The following KAZN variants were observed in gnomAD, a reference collection of about 807,000 sequenced individuals.
KAZN encodes kazrin, periplakin interacting protein.
In KAZN, 40 loss-of-function variants were observed where a neutral mutation model predicts 87.4. The observed-to-expected ratio is 0.46, with a 90% CI of 0.36 to 0.60. The LOEUF (loss-of-function observed/expected upper bound fraction) is 0.60. Among genes scored for constraint, KAZN ranks in the 20% least tolerant of loss-of-function variants. The probability of loss-of-function intolerance (pLI) is 0.00; values close to 1 mark genes in which losing one functional copy is unlikely to be tolerated. For synonymous variants in KAZN, 466 were observed against 458.3 expected (o/e 1.02, Z -0.22); for missense variants, 898 against 1,073.9 (o/e 0.84, Z 2.29).
At chr1:14,012,858 G>A (rs921234365) in intron 1 of KAZN, among the ~76,000 whole-genome samples, 61 of 152,266 alleles carry the variant, frequency 4.0e-4, no homozygotes, top group African/African-American at 1.4e-3. Context: ...CATATTTACC[G>A]TATGCTCCTT....
chr1:14,101,083 G>C (rs1372468768), intron 1 of KAZN, among the ~76,000 whole-genome samples: 5 of 152,070 alleles, frequency 3.3e-5, no homozygotes, highest in African/African-American at 9.7e-5. Context: ...AAATTACCCG[G>C]TCTCGGGTAT....
chr1:13,953,825 C>A (rs1346981794), intron 1 of KAZN, among the ~76,000 whole-genome samples: 1 of 152,086 alleles, frequency 6.6e-6, no homozygotes, highest in Non-Finnish European at 1.5e-5. Flanking sequence ...CAGATTGGTA[C>A]CAATCATAAT....
intron 2 of KAZN, among the ~76,000 whole-genome samples, chr1:14,358,285 T>C (rs1370258388): frequency 6.6e-6 from 1 of 152,106 alleles, no homozygotes; most frequent in Non-Finnish European, 1.5e-5. Context: ...TCATTTCTTA[T>C]TGTGTCTATT....
intron 2 of KAZN, among the ~76,000 whole-genome samples, chr1:14,530,325 G>T (rs927999338): frequency 6.6e-6 from 1 of 152,186 alleles, no homozygotes; most frequent in Non-Finnish European, 1.5e-5. Context: ...TAACAGGGAG[G>T]GTGTAGGTTT....
rs924112189 is a variant in KAZN, at chr1:14,767,680, A to G, written c.226+168457A>G. 9.8e-5 allele frequency among the ~76,000 whole-genome samples: 15 copies of G among 152,316 alleles called. 1 individual carries two copies. The highest frequency in any genetic ancestry group is 3.6e-4 in the African/African-American group (15 of 41,576). ...ACCATAGGAAAGACCTCTATAGATG[A>G]ATCTGCTGTGGATGAGTGTCCTATC... On this transcript the variant is annotated intron_variant, in intron 1 of 14. Coordinates refer to ENST00000376030, the MANE Select transcript of KAZN (RefSeq NM_201628.3).
chr1:14,419,851 T>C (rs1248387462), intron 2 of KAZN, among the ~76,000 whole-genome samples: 1 of 152,066 alleles, frequency 6.6e-6, no homozygotes, highest in Admixed American at 6.5e-5. Context: ...CAGACACCTT[T>C]GCGGCGAGTA....
chr1:14,898,056 G>A (rs192408312), intron 1 of KAZN, among the ~76,000 whole-genome samples: 119 of 152,312 alleles, frequency 7.8e-4, no homozygotes, highest in African/African-American at 2.8e-3. Flanking sequence ...ATGGATATAA[G>A]CACCTAACAC....
chr1:14,800,404 A>C (rs998672370), intron 1 of KAZN, among the ~76,000 whole-genome samples: 1 of 152,216 alleles, frequency 6.6e-6, no homozygotes, highest in African/African-American at 2.4e-5. Flanking sequence ...TTAAGCCATA[A>C]GAGAATGAAG....
chr1:14,306,145 AT>A (rs370761136), intron 2 of KAZN, among the ~76,000 whole-genome samples: 29 of 152,142 alleles, frequency 1.9e-4, no homozygotes, highest in African/African-American at 6.8e-4. Flanking sequence ...GTGTTGTCGC[AT>A]TTTTTGGTGG....
chr1:14,561,381 C>T lies in KAZN; in HGVS notation c.250-37602C>T, dbSNP rs576384544. Among the ~76,000 whole-genome samples the T allele has an allele frequency of 1.7e-4, 26 of 152,244 alleles. 1 individual carries two copies. Among genetic ancestry groups the T allele is most frequent in the Admixed American group, 1.2e-3 (18 of 15,300 alleles). ...AGGCCTGGGAAGGACATGACAGACCCGAGACTGGCGAAAAGATAAAGAAAA... is the reference window on the plus strand; with the variant it reads ...AGGCCTGGGAAGGACATGACAGACCTGAGACTGGCGAAAAGATAAAGAAAA... On this transcript the variant is annotated intron_variant, in intron 2 of 16. Transcript: ENST00000636203.
At chr1:14,968,248 C>T (rs1048929105) in intron 2 of KAZN, among the ~76,000 whole-genome samples, 1 of 152,032 alleles carries the variant, frequency 6.6e-6, no homozygotes, top group East Asian at 1.9e-4. Flanking sequence ...CCCTCACATG[C>T]GCAGTTCACA....
chr1:14,865,278 C>T (rs1484280425), intron 1 of KAZN, among the ~76,000 whole-genome samples: 3 of 152,156 alleles, frequency 2.0e-5, no homozygotes, highest in Admixed American at 6.5e-5. Context: ...GAAAATAGAT[C>T]GCCCTGGGAC....
intron 2 of KAZN, among the ~76,000 whole-genome samples, chr1:14,968,624 A>C (rs1664709217): frequency 6.6e-6 from 1 of 152,304 alleles, no homozygotes; most frequent in South Asian, 2.1e-4. Flanking sequence ...AGGGCACAGC[A>C]GCCAGCACGG....
intron 1 of KAZN, among the ~76,000 whole-genome samples, chr1:14,001,028 C>T (rs977132684): frequency 1.5e-4 from 23 of 151,950 alleles, no homozygotes; most frequent in Admixed American, 9.2e-4. Flanking sequence ...GTGATCCGCC[C>T]GCCTCAGCCT....
intron 1 of KAZN, among the ~76,000 whole-genome samples, chr1:14,620,153 T>C (rs1678582502): frequency 6.6e-6 from 1 of 152,238 alleles, no homozygotes; most frequent in African/African-American, 2.4e-5. Flanking sequence ...TACACGTGTA[T>C]GTATAGTCTC....
At chr1:14,858,118 G>A (rs905595183) in intron 1 of KAZN, among the ~76,000 whole-genome samples, 5 of 151,790 alleles carry the variant, frequency 3.3e-5, no homozygotes, top group South Asian at 2.1e-4. Context: ...ATGTTGCAGC[G>A]TGTATCAGTA....
At chr1:14,106,517 G>C (rs1238847321) in intron 1 of KAZN, among the ~76,000 whole-genome samples, 1 of 152,136 alleles carries the variant, frequency 6.6e-6, no homozygotes, top group Admixed American at 6.5e-5. Context: ...GTCAAAGCCT[G>C]TCTCCCTGGG....
chr1:14,008,402 G>A (rs1640131096), intron 1 of KAZN, among the ~76,000 whole-genome samples: 1 of 152,304 alleles, frequency 6.6e-6, no homozygotes, highest in South Asian at 2.1e-4. Flanking sequence ...AAAAAAATCT[G>A]CTGAAGTCAT....
chr1:13,968,700 C>T (rs1294848676), intron 1 of KAZN, among the ~76,000 whole-genome samples: 1 of 152,224 alleles, frequency 6.6e-6, no homozygotes, highest in East Asian at 1.9e-4. Flanking sequence ...CCTTTCTTTT[C>T]CTAGCTTGTA....
Sources: allele counts gnomAD v4.1 joint callset (sites outside exome capture counted in the v4.1 genomes callset), GRCh38; gene constraint gnomAD v4.1.1; transcripts MANE v1.5; gene names NCBI Gene and HGNC (gene_info 2026-07-23, HGNC 2026-07-21).